Variants in CLCN4 observed in about 807,000 individuals in gnomAD.
The protein encoded by CLCN4 is Cl-/H+ antiporter 4, also known as H(+)/Cl(-) exchange transporter 4.
CLCN4 carries 1 observed loss-of-function variant against 41.7 expected under a neutral mutation model. That is an observed-to-expected ratio of 0.02 (90% CI 0.01 to 0.11). CLCN4 has a LOEUF of 0.11. Ranked by LOEUF, CLCN4 falls within the 10% of genes least tolerant of loss-of-function variation. The probability of loss-of-function intolerance (pLI) is 1.00; values close to 1 mark genes in which losing one functional copy is unlikely to be tolerated. For synonymous variants in CLCN4, 277 were observed against 285.8 expected (o/e 0.97, Z 0.31); for missense variants, 287 against 661.0 (o/e 0.43, Z 6.20).
At chrX:10,195,913 G>A (rs1170697337) in intron 5 of CLCN4, among the ~76,000 whole-genome samples, 1 of 112,612 alleles carries the variant, frequency 8.9e-6, no homozygotes. Flanking sequence ...TTTTGGCTAT[G>A]ATGAATGATG....
intron 6 of CLCN4, among the ~76,000 whole-genome samples, chrX:10,205,112 T>G (rs1395499085): frequency 3.6e-5 from 4 of 111,246 alleles, no homozygotes; most frequent in African/African-American, 1.3e-4. Context: ...TCTTTGATGA[T>G]AAGAATGATG....
At chrX:10,220,324 T>C (rs1924826213) in intron 11 of CLCN4, among the ~76,000 whole-genome samples, 1 of 111,858 alleles carries the variant, frequency 8.9e-6, no homozygotes, top group Non-Finnish European at 1.9e-5. Flanking sequence ...TGAAGGAGCG[T>C]AAGGAAAGCC....
chrX:10,221,939 G>T (rs747889914), intron 12 of CLCN4, among the ~76,000 whole-genome samples: 2 of 112,201 alleles, frequency 1.8e-5, no homozygotes, highest in East Asian at 5.6e-4. Flanking sequence ...TGTGTATGCC[G>T]ATCCCACTGG....
chrX:10,211,008 G>A (rs1391164326), intron 9 of CLCN4, among the ~76,000 whole-genome samples: 3 of 95,643 alleles, frequency 3.1e-5, no homozygotes, highest in Non-Finnish European at 6.2e-5. Context: ...GCTCATGCCT[G>A]TAATCCAAGC....
At chrX:10,200,757 C>T (rs1250477012) in intron 6 of CLCN4, among the ~76,000 whole-genome samples, 1 of 112,097 alleles carries the variant, frequency 8.9e-6, no homozygotes, top group Non-Finnish European at 1.9e-5. Flanking sequence ...GGCATGATCA[C>T]AGCTCACTGC....
At chrX:10,173,707 T>A (rs1044263386) in intron 2 of CLCN4, among the ~76,000 whole-genome samples, 1 of 111,840 alleles carries the variant, frequency 8.9e-6, no homozygotes, top group African/African-American at 3.3e-5. Flanking sequence ...GCCTCAGCCA[T>A]GCCCCAGACC....
rs61453535 is a variant in CLCN4 at position 10,204,613 on chromosome X, C to CTTTTTTTTTTTTTTTTTTTTTTTTTT, written c.556-1734_556-1709dup. Among the ~76,000 whole-genome samples, 5 of 27,354 alleles carry CTTTTTTTTTTTTTTTTTTTTTTTTTT rather than the reference C, an allele frequency of 1.8e-4. 1 individual carries two copies. The highest frequency in any genetic ancestry group is 4.6e-4 in the Non-Finnish European group (5 of 10,922). The allele number at this position is 27,354 out of a possible 115,157, so 23.8% of individuals were successfully genotyped here. On this transcript the variant is annotated intron_variant, in intron 6 of 12. Transcript: ENST00000380833. ...CTATTCTCACCAGAAAGCTAGTAGT[C>CTTTTTTTTTTTTTTTTTTTTTTTTTT]TTTTTTTTTTTTTTTTTTTTTTTTT...
intron 2 of CLCN4, among the ~76,000 whole-genome samples, chrX:10,158,793 C>G (rs1320417761): frequency 8.8e-6 from 1 of 113,548 alleles, no homozygotes; most frequent in African/African-American, 3.2e-5. Flanking sequence ...CCCGAGAAAG[C>G]GGGCAGGGGC....
At chrX:10,197,186 G>A (rs1924117226) in intron 5 of CLCN4, among the ~76,000 whole-genome samples, 1 of 112,450 alleles carries the variant, frequency 8.9e-6, no homozygotes, top group African/African-American at 3.2e-5. Flanking sequence ...ACCCCAGACT[G>A]TGTTTTTGGT....
intron 6 of CLCN4, among the ~76,000 whole-genome samples, chrX:10,202,923 G>A (rs1374208763): frequency 1.8e-5 from 2 of 111,721 alleles, no homozygotes; most frequent in African/African-American, 3.3e-5. Context: ...TCACAAATCC[G>A]CTGCAGTACA....
chrX:10,191,672 C>A (rs1046349332), intron 4 of CLCN4, among the ~76,000 whole-genome samples: 1 of 100,097 alleles, frequency 1.0e-5, no homozygotes, highest in East Asian at 3.2e-4. Context: ...ACTATAGGCG[C>A]GTGCCACCAT....
At chrX:10,231,495 T>C (rs1421489882) in intron 12 of CLCN4, among the ~76,000 whole-genome samples, 1 of 111,620 alleles carries the variant, frequency 9.0e-6, no homozygotes, top group Non-Finnish European at 1.9e-5. Flanking sequence ...TCCTGCCTTG[T>C]TGTTGTTTTT....
intron 4 of CLCN4, among the ~76,000 whole-genome samples, chrX:10,194,444 G>A (rs969303691): frequency 9.0e-6 from 1 of 111,636 alleles, no homozygotes; most frequent in Non-Finnish European, 1.9e-5. Flanking sequence ...TTCTCATTTG[G>A]TGGCAAAACC....
At chrX:10,174,490 C>T (rs777181486) in intron 2 of CLCN4, among the ~76,000 whole-genome samples, 3 of 112,798 alleles carry the variant, frequency 2.7e-5, no homozygotes, top group South Asian at 7.2e-4. Context: ...TATGTGGCAA[C>T]GAACAGCTGG....
intron 11 of CLCN4, among the ~76,000 whole-genome samples, chrX:10,214,307 A>G (rs1569232124): frequency 8.9e-6 from 1 of 112,578 alleles, no homozygotes; most frequent in Non-Finnish European, 1.9e-5. Context: ...TAACGCCGAT[A>G]TTGCTGGTCC....
chrX:10,180,350 A>G (rs1923642826), intron 2 of CLCN4, among the ~76,000 whole-genome samples: 1 of 111,633 alleles, frequency 9.0e-6, no homozygotes, highest in Non-Finnish European at 1.9e-5. Flanking sequence ...GCCTCAATGA[A>G]CAGCAAGTGG....
chrX:10,175,938 C>T (rs866197428), intron 2 of CLCN4, among the ~76,000 whole-genome samples: 14 of 64,313 alleles, frequency 2.2e-4, no homozygotes, highest in Non-Finnish European at 1.6e-4. Flanking sequence ...CCCCCTCCCT[C>T]CCTCTCCCTC....
intron 2 of CLCN4, among the ~76,000 whole-genome samples, chrX:10,159,055 G>A (rs1331755101): frequency 6.2e-5 from 7 of 112,656 alleles, no homozygotes; most frequent in Non-Finnish European, 1.3e-4. Context: ...AGCAATTTAA[G>A]AGCCAGATGT....
chrX:10,175,855 C>CCT lies in CLCN4; in HGVS notation c.-11-9151_-11-9150dup, dbSNP rs372995946. On this transcript the variant is annotated intron_variant, in intron 2 of 12. Transcript: ENST00000380833. ...TTCTGATTGTAGGATCTCACAGAAACCTCTCTCTCTCTCTCTCCCACCCTC... is the reference window on the plus strand; with the variant it reads ...TTCTGATTGTAGGATCTCACAGAAACCTCTCTCTCTCTCTCTCTCCCACCCTC... Among the ~76,000 whole-genome samples, 932 of 97,195 alleles carry CCT rather than the reference C, an allele frequency of 9.6e-3. 14 individuals are homozygous for CCT. Among genetic ancestry groups the CCT allele is most frequent in the African/African-American group, 0.035 (891 of 25,826 alleles). 84.4% of individuals were successfully genotyped at this position (97,195 alleles called of 115,157 possible). A position where few individuals can be genotyped will look rare whatever the true frequency, so the allele number is the denominator to read the frequency against.
Sources: gnomAD v4.1 joint callset for allele counts (sites outside exome capture counted in the v4.1 genomes callset) on GRCh38, gnomAD v4.1.1 for gene constraint, MANE v1.5 for transcripts, NCBI Gene and HGNC (gene_info 2026-07-23, HGNC 2026-07-21) for gene names.